Variants in KHDRBS2 observed in about 807,000 individuals in gnomAD.
KHDRBS2 encodes the protein KH domain-containing, RNA-binding, signal transduction-associated protein 2.
KHDRBS2 carries 26 observed loss-of-function variants against 44.3 expected under a neutral mutation model. The observed-to-expected ratio is 0.59, with a 90% CI of 0.43 to 0.81. KHDRBS2 has a LOEUF of 0.81. Ranked by LOEUF, KHDRBS2 falls within the 40% of genes least tolerant of loss-of-function variation. The pLI is 0.00. For synonymous variants in KHDRBS2, 194 were observed against 151.1 expected, an observed-to-expected ratio of 1.28 and a Z score of -2.08; for missense variants, 476 against 433.1, an observed-to-expected ratio of 1.10 and a Z score of -0.88.
chr6:62,203,712 C>T lies in KHDRBS2; in HGVS notation c.92-26400G>A, dbSNP rs73493316. Among the ~76,000 whole-genome samples the T allele has an allele frequency of 2.3e-3, 346 of 152,176 alleles. 2 individuals are homozygous for T. The highest frequency in any genetic ancestry group is 7.6e-3 in the African/African-American group (314 of 41,518). ...CTTTATATAAAAGTTACGTTTAAGA[C>T]GGAATACTGGAGGGAATTGGCAAGA... On this transcript the variant is annotated intron_variant, in intron 1 of 8. Transcript: ENST00000281156.
At chr6:61,547,593 C>T in the KHDRBS2 span, among the ~76,000 whole-genome samples, 3 of 152,082 alleles carry the variant, frequency 2.0e-5, 1 homozygote, top group East Asian at 1.9e-4. Flanking sequence ...TGGCTTTGTG[C>T]TTTGGTAGAG....
At chr6:61,964,222 G>A (rs954345788) in intron 4 of KHDRBS2, among the ~76,000 whole-genome samples, 2 of 152,012 alleles carry the variant, frequency 1.3e-5, no homozygotes, top group Non-Finnish European at 2.9e-5. Flanking sequence ...TGCTTTTTAG[G>A]AGCCCACACA....
chr6:62,025,936 T>A (rs1783229249), intron 3 of KHDRBS2, among the ~76,000 whole-genome samples: 1 of 152,102 alleles, frequency 6.6e-6, no homozygotes, highest in South Asian at 2.1e-4. Context: ...GTATTTCTCA[T>A]AAGTGACATT....
downstream of KHDRBS2, among the ~76,000 whole-genome samples, chr6:61,679,430 G>A (rs1039177619): frequency 6.6e-6 from 1 of 151,790 alleles, no homozygotes; most frequent in Admixed American, 6.6e-5. Context: ...TAACTATCAG[G>A]AACTTAATAA....
chr6:61,873,997 A>G (rs1799036921), intron 6 of KHDRBS2, among the ~76,000 whole-genome samples: 1 of 152,022 alleles, frequency 6.6e-6, no homozygotes, highest in African/African-American at 2.4e-5. Flanking sequence ...TATGAATATT[A>G]TTTTTAAACT....
chr6:61,748,650 A>G (rs950506665), intron 6 of KHDRBS2, among the ~76,000 whole-genome samples: 2 of 152,252 alleles, frequency 1.3e-5, no homozygotes, highest in African/African-American at 4.8e-5. Context: ...TGCCATACAG[A>G]GACCAAAATT....
chr6:61,546,820 G>A, the KHDRBS2 span, among the ~76,000 whole-genome samples: 31 of 152,116 alleles, frequency 2.0e-4, no homozygotes, highest in Non-Finnish European at 2.8e-4. Flanking sequence ...GTACCACATC[G>A]TTTATTATCA....
chr6:62,151,715 C>T (rs1430561133), intron 2 of KHDRBS2, among the ~76,000 whole-genome samples: 1 of 150,220 alleles, frequency 6.7e-6, no homozygotes, highest in African/African-American at 2.4e-5. Context: ...ATGGTATGTA[C>T]ACACACACAC....
At chr6:62,241,612 G>A (rs1834685030) in intron 1 of KHDRBS2, among the ~76,000 whole-genome samples, 2 of 152,026 alleles carry the variant, frequency 1.3e-5, no homozygotes, top group African/African-American at 4.8e-5. Flanking sequence ...TTCAGGTCTA[G>A]ACCCAGATGG....
chr6:61,784,679 T>C (rs759503203), intron 6 of KHDRBS2, among the ~76,000 whole-genome samples: 8 of 152,128 alleles, frequency 5.3e-5, no homozygotes, highest in Non-Finnish European at 1.0e-4. Flanking sequence ...GAATTGACAA[T>C]ATCTACTGAA....
chr6:62,111,614 G>A (rs531856659), intron 2 of KHDRBS2, among the ~76,000 whole-genome samples: 1 of 152,192 alleles, frequency 6.6e-6, no homozygotes, highest in South Asian at 2.1e-4. Context: ...ACAGACTGCA[G>A]GATAGATACA....
chr6:62,248,462 G>A (rs1169901215), intron 1 of KHDRBS2, among the ~76,000 whole-genome samples: 4 of 151,856 alleles, frequency 2.6e-5, no homozygotes, highest in African/African-American at 9.7e-5. Context: ...GGGTTCAAGC[G>A]ATTCTCCCAC....
At chr6:61,972,912 G>C (rs1230465655) in intron 4 of KHDRBS2, among the ~76,000 whole-genome samples, 2 of 152,196 alleles carry the variant, frequency 1.3e-5, no homozygotes, top group Non-Finnish European at 2.9e-5. Context: ...TTAGGAGGCT[G>C]AGGCTGGTGG....
rs537418853 is a variant in KHDRBS2 at position 62,226,261 on chromosome 6, T to C, written c.92-48949A>G. Among the ~76,000 whole-genome samples the C allele has an allele frequency of 1.2e-3, 189 of 152,346 alleles. 1 individual carries two copies. Among genetic ancestry groups the C allele is most frequent in the African/African-American group, 4.4e-3 (182 of 41,578 alleles). ...GGCATGAGATGGTATCTTATTGTAA[T>C]TTTGATTTGCATTTCTCTAATTATC... On this transcript the variant is annotated intron_variant, in intron 1 of 8. Transcript: ENST00000281156.
chr6:61,892,390 G>A (rs943914732), intron 6 of KHDRBS2, among the ~76,000 whole-genome samples: 5 of 152,042 alleles, frequency 3.3e-5, no homozygotes, highest in Non-Finnish European at 7.4e-5. Context: ...TCACAGAATT[G>A]GAAAAAACTA....
At chr6:62,158,583 C>A (rs765758858) in intron 2 of KHDRBS2, among the ~76,000 whole-genome samples, 8 of 152,102 alleles carry the variant, frequency 5.3e-5, no homozygotes, top group Non-Finnish European at 8.8e-5. Context: ...TATATTCTTA[C>A]AGATTTCTTT....
At chr6:62,281,827 T>G (rs1841851304) in intron 1 of KHDRBS2, among the ~76,000 whole-genome samples, 1 of 152,144 alleles carries the variant, frequency 6.6e-6, no homozygotes, top group African/African-American at 2.4e-5. Context: ...TATTTCCCAG[T>G]AGGTAGAAGT....
chr6:62,222,404 C>T (rs1030693025), intron 1 of KHDRBS2, among the ~76,000 whole-genome samples: 2 of 152,032 alleles, frequency 1.3e-5, no homozygotes, highest in African/African-American at 4.8e-5. Flanking sequence ...AGGTGAAAAG[C>T]ACTTCTTACA....
At chr6:61,815,418 C>T (rs1010930817) in intron 6 of KHDRBS2, among the ~76,000 whole-genome samples, 3 of 152,094 alleles carry the variant, frequency 2.0e-5, no homozygotes, top group African/African-American at 4.8e-5. Context: ...GAAGGAACTA[C>T]GATAATATTT....
Sources: gnomAD v4.1 joint callset for allele counts (sites outside exome capture counted in the v4.1 genomes callset) on GRCh38, gnomAD v4.1.1 for gene constraint, MANE v1.5 for transcripts, NCBI Gene and HGNC (gene_info 2026-07-23, HGNC 2026-07-21) for gene names.